Variants in CSMD1 observed in about 807,000 individuals in gnomAD.
CSMD1 encodes CUB and Sushi multiple domains 1.
In CSMD1, 213 loss-of-function variants were observed where a neutral mutation model predicts 417.5. The observed-to-expected ratio is 0.51, with a 90% CI of 0.46 to 0.57. The LOEUF (loss-of-function observed/expected upper bound fraction) is 0.57, where lower values mean the gene tolerates loss of function less well. Among genes scored for constraint, CSMD1 ranks in the 20% least tolerant of loss-of-function variants. CSMD1 has a pLI of 0.00. For missense variants in CSMD1, 6,923 were observed against 4,529.7 expected, an observed-to-expected ratio of 1.53 and a Z score of -15.17; for synonymous variants, 2,862 against 1,736.8, an observed-to-expected ratio of 1.65 and a Z score of -16.11.
At position 4,152,402 on chromosome 8, in the gene CSMD1, G is replaced by C. The variant is rs141759533; in HGVS notation, c.416-120303C>G. On this transcript the variant is annotated intron_variant, in intron 3 of 69. Coordinates refer to ENST00000635120, the MANE Select transcript of CSMD1 (RefSeq NM_033225.6). ...TTTTTAAAATCCCTTACTTAGGCCAGGCACAGTGGCTCACACCTGTAATCC... is the reference window on the plus strand; with the variant it reads ...TTTTTAAAATCCCTTACTTAGGCCACGCACAGTGGCTCACACCTGTAATCC... 6.8e-3 allele frequency among the ~76,000 whole-genome samples: 1,042 copies of C among 152,228 alleles called. 14 individuals carry two copies. Among genetic ancestry groups the C allele is most frequent in the African/African-American group, 0.024 (987 of 41,522 alleles).
chr8:4,462,629 G>A (rs537232879), intron 2 of CSMD1, among the ~76,000 whole-genome samples: 1 of 152,268 alleles, frequency 6.6e-6, no homozygotes, highest in East Asian at 1.9e-4. Flanking sequence ...CATTATGCTT[G>A]CATTAGACAC....
At chr8:3,060,560 G>T (rs1812528303) in intron 49 of CSMD1, among the ~76,000 whole-genome samples, 1 of 152,138 alleles carries the variant, frequency 6.6e-6, no homozygotes, top group Non-Finnish European at 1.5e-5. Context: ...CTTGCTCACA[G>T]GCATGATTGT....
chr8:4,961,002 G>C (rs974448288), intron 1 of CSMD1, among the ~76,000 whole-genome samples: 7 of 152,036 alleles, frequency 4.6e-5, no homozygotes, highest in Admixed American at 4.6e-4. Flanking sequence ...CATCATAGAT[G>C]AGCATTTTAC....
chr8:4,876,893 A>G (rs917969052), intron 1 of CSMD1, among the ~76,000 whole-genome samples: 2 of 152,096 alleles, frequency 1.3e-5, no homozygotes, highest in African/African-American at 4.8e-5. Context: ...GGCAAAGAAC[A>G]CATTGATTCA....
intron 2 of CSMD1, among the ~76,000 whole-genome samples, chr8:4,476,520 G>T (rs1800809585): frequency 6.6e-6 from 1 of 152,154 alleles, no homozygotes; most frequent in Non-Finnish European, 1.5e-5. Context: ...ACTTTTCGGA[G>T]TTCTAAAATA....
chr8:4,839,795 C>T (rs575186312), intron 1 of CSMD1, among the ~76,000 whole-genome samples: 1 of 152,214 alleles, frequency 6.6e-6, no homozygotes, highest in Admixed American at 6.5e-5. Context: ...AGATTTAGAC[C>T]TTTTGAATTA....
chr8:3,832,153 C>G (rs977618386), intron 5 of CSMD1, among the ~76,000 whole-genome samples: 2 of 152,162 alleles, frequency 1.3e-5, no homozygotes, highest in Non-Finnish European at 2.9e-5. Context: ...GGGCCAGCCT[C>G]TGAAAATTAA....
intron 5 of CSMD1, among the ~76,000 whole-genome samples, chr8:3,981,385 T>C (rs1327346693): frequency 6.6e-6 from 1 of 151,332 alleles, no homozygotes; most frequent in Non-Finnish European, 1.5e-5. Flanking sequence ...ACAACAAATA[T>C]GGTGCAGTGT....
intron 5 of CSMD1, among the ~76,000 whole-genome samples, chr8:3,762,968 G>A (rs914683240): frequency 1.3e-5 from 2 of 152,190 alleles, no homozygotes; most frequent in African/African-American, 4.8e-5. Context: ...ACTCTCTTCA[G>A]ATCTCACCAT....
At chr8:3,658,768 G>C (rs538282237) in intron 7 of CSMD1, among the ~76,000 whole-genome samples, 71 of 152,134 alleles carry the variant, frequency 4.7e-4, no homozygotes, top group Non-Finnish European at 8.4e-4. Flanking sequence ...GGGTGACAAA[G>C]AGAGACTCCA....
At chr8:3,499,506 G>T (rs1278437635) in intron 10 of CSMD1, among the ~76,000 whole-genome samples, 1 of 152,036 alleles carries the variant, frequency 6.6e-6, no homozygotes, top group Non-Finnish European at 1.5e-5. Flanking sequence ...TGGAGTGGGG[G>T]GAGTGTTCAC....
At chr8:3,955,096 C>CG (rs1811852107) in intron 5 of CSMD1, among the ~76,000 whole-genome samples, 1 of 152,134 alleles carries the variant, frequency 6.6e-6, no homozygotes, top group Non-Finnish European at 1.5e-5. Flanking sequence ...CTAGTGGGTG[C>CG]GGGAAAGCCG....
intron 25 of CSMD1, 134 bp from the exon 26 acceptor site, chr8:3,284,480 A>C (rs1802995100): frequency 1.5e-6 from 1 of 665,506 alleles, no homozygotes; most frequent in Non-Finnish European, 2.6e-6. Flanking sequence ...ACTGTCTGAC[A>C]ATGAAGGATG....
intron 2 of CSMD1, among the ~76,000 whole-genome samples, chr8:4,429,783 G>A (rs1465273480): frequency 6.6e-6 from 1 of 152,122 alleles, no homozygotes. Context: ...CGTATTTGTT[G>A]AAATATACCG....
At chr8:4,684,095 C>T (rs572683677) in intron 1 of CSMD1, among the ~76,000 whole-genome samples, 3 of 152,138 alleles carry the variant, frequency 2.0e-5, no homozygotes, top group South Asian at 2.1e-4. Context: ...GAATTTTGTA[C>T]AAGTGAAAAA....
At chr8:4,397,732 A>G (rs1804352300) in intron 3 of CSMD1, among the ~76,000 whole-genome samples, 1 of 152,116 alleles carries the variant, frequency 6.6e-6, no homozygotes, top group African/African-American at 2.4e-5. Context: ...ATCTCAAAAT[A>G]CAAATATGTT....
chr8:3,180,809 T>C (rs1162555681), intron 37 of CSMD1, among the ~76,000 whole-genome samples: 4 of 151,862 alleles, frequency 2.6e-5, no homozygotes, highest in African/African-American at 9.7e-5. Context: ...TTTTTTTGTA[T>C]TATTATTATT....
At chr8:4,056,806 A>G (rs2130719926) in intron 3 of CSMD1, among the ~76,000 whole-genome samples, 1 of 151,600 alleles carries the variant, frequency 6.6e-6, no homozygotes, top group Non-Finnish European at 1.5e-5. Flanking sequence ...TGTCCTTGTG[A>G]TAGTTTACTG....
intron 5 of CSMD1, among the ~76,000 whole-genome samples, chr8:3,775,177 C>T (rs1798832870): frequency 6.6e-6 from 1 of 152,040 alleles, no homozygotes; most frequent in Admixed American, 6.6e-5. Flanking sequence ...TTATTTATAC[C>T]AAACTTAAGT....
Sources: allele counts gnomAD v4.1 joint callset (sites outside exome capture counted in the v4.1 genomes callset), GRCh38; gene constraint gnomAD v4.1.1; transcripts MANE v1.5; gene names NCBI Gene and HGNC (gene_info 2026-07-23, HGNC 2026-07-21).